The following TG variants were observed in gnomAD, a reference collection of about 807,000 sequenced individuals.
TG encodes the protein thyroid hormones.
TG carries 270 observed loss-of-function variants against 324.7 expected under a neutral mutation model. That is an observed-to-expected ratio of 0.83 (90% CI 0.75 to 0.92). TG has a LOEUF of 0.92. Ranked by LOEUF, TG falls within the 40% of genes least tolerant of loss-of-function variation. The pLI is 0.00. For synonymous variants in TG, 1,401 were observed against 1,327.0 expected (o/e 1.06, Z -1.21); for missense variants, 3,591 against 3,456.4 (o/e 1.04, Z -0.98).
At chr8:133,047,908 C>A (rs1212119818) in intron 41 of TG, 1 of 1,611,876 alleles carries the variant, frequency 6.2e-7, no homozygotes, top group East Asian at 2.2e-5. Flanking sequence ...TCGGCCTTGT[C>A]TCTGCCCAGG....
intron 41 of TG, chr8:133,044,947 C>G (rs746678891): frequency 1.2e-6 from 2 of 1,610,798 alleles, no homozygotes; most frequent in South Asian, 2.2e-5. Context: ...AAGAGGGGTC[C>G]CACCATCACA....
intron 38 of TG, among the ~76,000 whole-genome samples, chr8:133,018,368 A>G (rs1835252887): frequency 6.6e-6 from 1 of 152,136 alleles, no homozygotes; most frequent in Non-Finnish European, 1.5e-5. Context: ...GTTCCCATAG[A>G]ATAAGCCTGG....
At chr8:132,983,463 C>T (rs760105747) in intron 35 of TG, 51 bp downstream of exon 35, 1 of 1,521,186 alleles carries the variant, frequency 6.6e-7, no homozygotes, top group Admixed American at 1.7e-5. Context: ...CCTCATTCAT[C>T]TTCTTTCTCC....
chr8:132,980,853 A>T (rs185879168), intron 34 of TG, among the ~76,000 whole-genome samples: 1 of 152,306 alleles, frequency 6.6e-6, no homozygotes, highest in Admixed American at 6.5e-5. Context: ...CCACCTAATC[A>T]GTTGTACCAT....
chr8:132,981,033 T>C (rs909175335), intron 34 of TG, among the ~76,000 whole-genome samples: 1 of 152,200 alleles, frequency 6.6e-6, no homozygotes, highest in Non-Finnish European at 1.5e-5. Context: ...TGAAAAAGAA[T>C]AGATTCTACG....
chr8:133,102,520 G>A (rs1426908330), intron 43 of TG: 2 of 1,550,430 alleles, frequency 1.3e-6, no homozygotes, highest in Non-Finnish European at 1.7e-6. Flanking sequence ...GCCCACCCAG[G>A]GGGTCCCAAT....
At chr8:133,037,225 C>A (rs1837262277) in intron 41 of TG, 1 of 152,188 alleles carries the variant, frequency 6.6e-6, no homozygotes, top group African/African-American at 2.4e-5. Flanking sequence ...CCACTCTCTT[C>A]CTAGTAGGAT....
At chr8:132,893,465 T>C (rs1257492263) in intron 10 of TG, among the ~76,000 whole-genome samples, 1 of 80,048 alleles carries the variant, frequency 1.2e-5, no homozygotes, top group East Asian at 3.9e-4. Flanking sequence ...GTATGGGGGG[T>C]GGTGTGTATG....
intron 41 of TG, chr8:133,037,981 G>A (rs1372491301): frequency 6.4e-6 from 1 of 155,162 alleles, no homozygotes; most frequent in African/African-American, 2.4e-5. Flanking sequence ...CTAATGTTTA[G>A]TGTCACGAAG....
chr8:132,939,573 T>C (rs1298550716), intron 25 of TG, among the ~76,000 whole-genome samples: 2 of 152,114 alleles, frequency 1.3e-5, no homozygotes, highest in Non-Finnish European at 2.9e-5. Flanking sequence ...GAGAAGACGC[T>C]GGCTTTTTGG....
At chr8:132,990,117 G>C (rs1832119877) in intron 35 of TG, among the ~76,000 whole-genome samples, 1 of 150,918 alleles carries the variant, frequency 6.6e-6, no homozygotes, top group Non-Finnish European at 1.5e-5. Flanking sequence ...GAGAGAGTGT[G>C]ACTTCCCCAC....
rs1292485461 is a variant in TG at position 132,958,551 on chromosome 8, C to T, written c.5402-2457C>T. On this transcript the variant is annotated intron_variant, in intron 27 of 47. Coordinates refer to ENST00000220616, the MANE Select transcript of TG (RefSeq NM_003235.5). The stretch of plus-strand genomic sequence containing the variant: ...TGGCCAACATGGTGAAACCCTGTCT[C>T]TACTAAAAATACAAAAATTAGCCAG... Among the ~76,000 whole-genome samples the T allele has an allele frequency of 4.6e-5, 7 of 152,242 alleles. 2 individuals are homozygous for T. In the South Asian group the frequency reaches 1.5e-3, roughly 32 times the overall value.
chr8:132,925,766 G>A (rs1254956653), intron 22 of TG, among the ~76,000 whole-genome samples: 1 of 152,132 alleles, frequency 6.6e-6, no homozygotes, highest in Non-Finnish European at 1.5e-5. Flanking sequence ...TGTCTTACGT[G>A]CTCTGAGCTC....
intron 41 of TG, chr8:133,050,023 A>G: frequency 7.3e-7 from 1 of 1,375,264 alleles, no homozygotes; most frequent in Non-Finnish European, 1.0e-6. Flanking sequence ...ACACAGAGAT[A>G]GGTAAATAGC....
rs746915736 is a variant in TG at position 132,887,516 on chromosome 8, G to A, written c.2144G>A (p.Gly715Glu). Residue 715 changes from glycine (G) to glutamate (E), a missense_variant, in exon 9 of 48, where the codon GGA (glycine) becomes GAA (glutamate). Physicochemically the swap from Gly to Glu is moderately conservative, Grantham distance 98. Coordinates refer to ENST00000220616, the MANE Select transcript of TG (RefSeq NM_003235.5). Reference sequence around the variant, plus strand: ...GATGCTGAGGGTCAGGCCATTCCTGGAACTCGAAGTGCAATAGGGAAGCCC... The same window carrying A: ...GATGCTGAGGGTCAGGCCATTCCTGAAACTCGAAGTGCAATAGGGAAGCCC... Reference protein sequence around the residue: ...CVDAEGQAIPGTRSAIGKPKK... With the variant: ...CVDAEGQAIPETRSAIGKPKK... 2 of 1,614,116 alleles carry A rather than the reference G, an allele frequency of 1.2e-6. No individual in the cohort carries two copies. The highest frequency in any genetic ancestry group is 3.3e-5 in the Admixed American group (2 of 60,018).
intron 5 of TG, among the ~76,000 whole-genome samples, chr8:132,879,147 A>T (rs1322758836): frequency 6.6e-6 from 1 of 152,268 alleles, no homozygotes; most frequent in Non-Finnish European, 1.5e-5. Context: ...AAATGCATAG[A>T]TGGTGATATC....
At chr8:133,045,303 C>T (rs989931836) in intron 41 of TG, among the ~76,000 whole-genome samples, 1 of 151,408 alleles carries the variant, frequency 6.6e-6, no homozygotes, top group Non-Finnish European at 1.5e-5. Flanking sequence ...TTAGAGACTG[C>T]AGAAGTGTAT....
chr8:133,133,912 G>A (rs962829663), intron 47 of TG, among the ~76,000 whole-genome samples: 3 of 152,178 alleles, frequency 2.0e-5, no homozygotes, highest in African/African-American at 7.2e-5. Context: ...TAGGAGAGAA[G>A]GTCTATGGGG....
intron 16 of TG, among the ~76,000 whole-genome samples, chr8:132,905,082 C>T (rs1818481890): frequency 6.6e-6 from 1 of 152,144 alleles, no homozygotes; most frequent in Admixed American, 6.5e-5. Flanking sequence ...ATTAGCAAAG[C>T]TCTTAATGGT....
Sources: gnomAD v4.1 joint callset for allele counts (sites outside exome capture counted in the v4.1 genomes callset) on GRCh38, gnomAD v4.1.1 for gene constraint, MANE v1.5 for transcripts, NCBI Gene and HGNC (gene_info 2026-07-23, HGNC 2026-07-21) for gene names.